THSD4: variants seen among roughly 807,000 people sequenced by gnomAD.
The protein encoded by THSD4 is thrombospondin type-1 domain-containing protein 4.
Under a neutral mutation model 119.0 loss-of-function variants are expected in THSD4, and 69 were observed. That is an observed-to-expected ratio of 0.58 (90% CI 0.48 to 0.71). The LOEUF (loss-of-function observed/expected upper bound fraction) is 0.71, where lower values mean the gene tolerates loss of function less well. Among genes scored for constraint, THSD4 ranks in the 30% least tolerant of loss-of-function variants. THSD4 has a pLI of 0.00. For synonymous variants in THSD4, 524 were observed against 540.4 expected (o/e 0.97, Z 0.42); for missense variants, 1,393 against 1,391.1 (o/e 1.00, Z -0.02).
At chr15:71,128,849 G>T (rs974849906) in intron 1 of THSD4, among the ~76,000 whole-genome samples, 3 of 152,192 alleles carry the variant, frequency 2.0e-5, no homozygotes, top group African/African-American at 7.2e-5. Flanking sequence ...TGAGGGAAAG[G>T]CACATAGATT....
At chr15:71,651,241 G>A (rs7180092) in intron 7 of THSD4, among the ~76,000 whole-genome samples, 1,953 of 152,270 alleles carry the variant, frequency 0.013, 41 homozygotes, top group African/African-American at 0.045. Flanking sequence ...TTCCTTCAGC[G>A]TGATGTTGGT....
intron 5 of THSD4, among the ~76,000 whole-genome samples, chr15:71,256,201 G>A (rs767553543): frequency 3.9e-4 from 59 of 152,284 alleles, no homozygotes; most frequent in East Asian, 1.4e-3. Context: ...GGGGCCCGGC[G>A]CGGTGGCTGA....
intron 15 of THSD4, among the ~76,000 whole-genome samples, chr15:71,762,349 A>G (rs1351723216): frequency 6.6e-6 from 1 of 152,214 alleles, no homozygotes; most frequent in East Asian, 1.9e-4. Context: ...ACAAGTTTTG[A>G]TCAAAGTTTG....
At chr15:71,398,122 G>A (rs1321303209) in intron 6 of THSD4, among the ~76,000 whole-genome samples, 1 of 152,178 alleles carries the variant, frequency 6.6e-6, no homozygotes. Context: ...TTACTTATTA[G>A]TAGGATTAGT....
intron 6 of THSD4, among the ~76,000 whole-genome samples, chr15:71,285,601 A>G (rs1043099764): frequency 6.6e-6 from 1 of 152,188 alleles, no homozygotes; most frequent in East Asian, 1.9e-4. Context: ...CATGCCTGTA[A>G]TCCCAGCACT....
At position 71,339,877 on chromosome 15, in the gene THSD4, G is replaced by T. The variant is rs570351496; in HGVS notation, c.1016-71810G>T. Among the ~76,000 whole-genome samples the T allele has an allele frequency of 6.6e-5, 10 of 152,144 alleles. No homozygotes were observed. In the South Asian group the frequency reaches 1.9e-3, roughly 28 times the overall value. Reference sequence around the variant, plus strand: ...CCTCCTGGGTTCAAGGAATTCTCCTGCCTCAGCCTCCCAAGTAGCTGAAAT... The same window carrying T: ...CCTCCTGGGTTCAAGGAATTCTCCTTCCTCAGCCTCCCAAGTAGCTGAAAT... On this transcript the variant is annotated intron_variant, in intron 6 of 17. Coordinates refer to ENST00000261862, the MANE Select transcript of THSD4 (RefSeq NM_024817.3).
intron 7 of THSD4, among the ~76,000 whole-genome samples, chr15:71,477,176 G>T (rs975025546): frequency 1.3e-5 from 2 of 152,212 alleles, no homozygotes; most frequent in African/African-American, 4.8e-5. Flanking sequence ...AGCTCCACAC[G>T]CCCTCCTTCA....
At chr15:71,486,264 T>C (rs2047814922) in intron 7 of THSD4, among the ~76,000 whole-genome samples, 1 of 152,170 alleles carries the variant, frequency 6.6e-6, no homozygotes, top group African/African-American at 2.4e-5. Context: ...CTGAATTTTT[T>C]TCCTTAACAG....
At chr15:71,608,719 T>C (rs1189304545) in intron 7 of THSD4, among the ~76,000 whole-genome samples, 1 of 152,322 alleles carries the variant, frequency 6.6e-6, no homozygotes, top group East Asian at 1.9e-4. Context: ...GTCCTTCTAA[T>C]CTCTGTTTCT....
At chr15:71,713,526 C>T (rs756492991) in intron 8 of THSD4, among the ~76,000 whole-genome samples, 1 of 152,092 alleles carries the variant, frequency 6.6e-6, no homozygotes, top group Non-Finnish European at 1.5e-5. Context: ...ATGTCATGCT[C>T]GAATGTCTTC....
chr15:71,457,379 C>CAAA (rs10708714), intron 7 of THSD4, among the ~76,000 whole-genome samples: 3 of 50,578 alleles, frequency 5.9e-5, no homozygotes, highest in African/African-American at 1.6e-4. Context: ...GATCTCGCCT[C>CAAA]AAAAAAAAAA....
At chr15:71,526,167 CTGAT>C (rs1195169662) in intron 7 of THSD4, among the ~76,000 whole-genome samples, 1 of 152,122 alleles carries the variant, frequency 6.6e-6, no homozygotes, top group Non-Finnish European at 1.5e-5. Flanking sequence ...TCATTTTGTT[CTGAT>C]TGATTGCCGG....
intron 1 of THSD4, among the ~76,000 whole-genome samples, chr15:71,128,413 G>C (rs966086763): frequency 1.3e-5 from 2 of 151,662 alleles, no homozygotes; most frequent in Admixed American, 1.3e-4. Context: ...TGTAATCCCA[G>C]CTACTTGGAC....
intron 14 of THSD4, among the ~76,000 whole-genome samples, chr15:71,753,261 G>A (rs111425475): frequency 0.017 from 2,589 of 152,122 alleles, 74 homozygotes; most frequent in African/African-American, 0.058. Context: ...AGTAAGCATC[G>A]TTGACTTTTC....
intron 7 of THSD4, among the ~76,000 whole-genome samples, chr15:71,524,188 G>C (rs145193353): frequency 7.7e-4 from 117 of 152,344 alleles, no homozygotes; most frequent in African/African-American, 2.5e-3. Context: ...GAATCGGACA[G>C]TCTGATGAGG....
intron 7 of THSD4, among the ~76,000 whole-genome samples, chr15:71,628,212 A>AGG (rs1279923623): frequency 6.6e-6 from 1 of 152,188 alleles, no homozygotes; most frequent in African/African-American, 2.4e-5. Context: ...CTTTGAAAGG[A>AGG]GGGAGGATTC....
intron 8 of THSD4, among the ~76,000 whole-genome samples, chr15:71,699,041 A>G (rs533304921): frequency 1.2e-4 from 19 of 152,282 alleles, no homozygotes; most frequent in African/African-American, 4.6e-4. Context: ...GCATACTTAA[A>G]AATGTGTTAA....
At chr15:71,731,294 C>T in intron 10 of THSD4, 77 bp downstream of exon 10, 2 of 1,387,326 alleles carry the variant, frequency 1.4e-6, no homozygotes, top group Non-Finnish European at 2.0e-6. Context: ...TCTTGTGCAT[C>T]CACCCTCTGT....
At chr15:71,246,324 A>G (rs1052950227) in intron 5 of THSD4, among the ~76,000 whole-genome samples, 4 of 152,138 alleles carry the variant, frequency 2.6e-5, no homozygotes, top group African/African-American at 9.7e-5. Context: ...GATCTCCCCT[A>G]TCTGAACATC....
Sources: gnomAD v4.1 joint callset for allele counts (sites outside exome capture counted in the v4.1 genomes callset) on GRCh38, gnomAD v4.1.1 for gene constraint, MANE v1.5 for transcripts, NCBI Gene and HGNC (gene_info 2026-07-23, HGNC 2026-07-21) for gene names.